The following CBFA2T2 variants were observed in gnomAD, a reference collection of about 807,000 sequenced individuals.
The protein encoded by CBFA2T2 is protein CBFA2T2.
Under a neutral mutation model 62.2 loss-of-function variants are expected in CBFA2T2, and 11 were observed. That is an observed-to-expected ratio of 0.18 (90% CI 0.11 to 0.29). The LOEUF is 0.29. Ranked by LOEUF, CBFA2T2 falls within the 10% of genes least tolerant of loss-of-function variation. CBFA2T2 has a pLI of 1.00. For missense variants in CBFA2T2, 592 were observed against 774.1 expected (o/e 0.76, Z 2.79); for synonymous variants, 295 against 287.5 (o/e 1.03, Z -0.27).
At chr20:33,531,934 A>C (rs926859788) in intron 1 of CBFA2T2, among the ~76,000 whole-genome samples, 2 of 152,222 alleles carry the variant, frequency 1.3e-5, no homozygotes, top group African/African-American at 4.8e-5. Flanking sequence ...GGGTTTAATC[A>C]TATCTTCACC....
intron 1 of CBFA2T2, among the ~76,000 whole-genome samples, chr20:33,497,618 G>A (rs2011217823): frequency 7.0e-6 from 1 of 143,682 alleles, no homozygotes; most frequent in South Asian, 2.2e-4. Context: ...AGTGTGATCT[G>A]GGCTCACTAC....
chr20:33,605,110 C>G (rs563725993), intron 1 of CBFA2T2, among the ~76,000 whole-genome samples: 1 of 152,292 alleles, frequency 6.6e-6, no homozygotes, highest in African/African-American at 2.4e-5. Context: ...TATTATATCC[C>G]TTTCCCAAGT....
chr20:33,512,136 C>T (rs2011521911), intron 1 of CBFA2T2, among the ~76,000 whole-genome samples: 1 of 152,108 alleles, frequency 6.6e-6, no homozygotes. Flanking sequence ...GAGATCTACG[C>T]CACTGCACTC....
intron 1 of CBFA2T2, among the ~76,000 whole-genome samples, chr20:33,566,835 CATGTTTTGAAGTAT>C (rs1436420048): frequency 6.6e-6 from 1 of 152,124 alleles, no homozygotes; most frequent in African/African-American, 2.4e-5. Context: ...TCATTTCTAC[CATGTTTTGAAGTAT>C]GTCTAGCTGT....
intron 1 of CBFA2T2, among the ~76,000 whole-genome samples, chr20:33,490,706 C>A (rs1600889198): frequency 1.3e-5 from 2 of 152,210 alleles, no homozygotes; most frequent in African/African-American, 4.8e-5. Context: ...CTCGGAGGGC[C>A]TGTTTGAGCG....
At chr20:33,631,525 G>A (rs1036024956) in intron 8 of CBFA2T2, among the ~76,000 whole-genome samples, 4 of 151,824 alleles carry the variant, frequency 2.6e-5, no homozygotes, top group Non-Finnish European at 4.4e-5. Flanking sequence ...AGCTGCAGTC[G>A]TGAGCCAGTG....
chr20:33,629,692 C>G, intron 7 of CBFA2T2, 27 bp from the exon 8 acceptor site: 1 of 1,596,370 alleles, frequency 6.3e-7, no homozygotes, highest in Non-Finnish European at 8.5e-7. Context: ...CTTATCTCAT[C>G]TCTGCCTGGC....
intron 1 of CBFA2T2, among the ~76,000 whole-genome samples, chr20:33,512,958 T>G (rs2011535997): frequency 6.6e-6 from 1 of 152,110 alleles, no homozygotes. Flanking sequence ...TTCACTGCAT[T>G]AGCCAGGATG....
At chr20:33,630,626 T>C (rs531123630) in intron 8 of CBFA2T2, among the ~76,000 whole-genome samples, 125 of 152,292 alleles carry the variant, frequency 8.2e-4, no homozygotes, top group Admixed American at 1.6e-3. Flanking sequence ...ACCTCAGTTA[T>C]TCCCCTCAAA....
At position 33,624,929 on chromosome 20, in the gene CBFA2T2, C is replaced by G. The variant is rs755250770; in HGVS notation, c.858C>G (p.Thr286=). ...CCCCTCCACCTCTTCAGCATTACAC[C>G]TTAGAGGATATTGCAACTTCTCACC... ...HPTPPPLQHY[T]LEDIATSHLY... The change falls in exon 6 of 11, where the codon ACC becomes ACG. Residue 286 remains threonine, a synonymous_variant. Transcript: ENST00000342704. 3 of 1,614,038 alleles carry G rather than the reference C, an allele frequency of 1.9e-6. No homozygotes were observed. Among genetic ancestry groups the G allele is most frequent in the Middle Eastern group, 3.3e-4 (2 of 6,062 alleles).
At chr20:33,623,771 A>G in intron 5 of CBFA2T2, 1 of 712,030 alleles carries the variant, frequency 1.4e-6, no homozygotes, top group Non-Finnish European at 2.6e-6. Flanking sequence ...TCCAATACCT[A>G]GCTGCATAAT....
chr20:33,556,326 C>A (rs559838789), intron 1 of CBFA2T2, among the ~76,000 whole-genome samples: 3 of 152,016 alleles, frequency 2.0e-5, no homozygotes, highest in Admixed American at 1.3e-4. Flanking sequence ...ATTAATGTTA[C>A]GAATTTCAGG....
intron 1 of CBFA2T2, among the ~76,000 whole-genome samples, chr20:33,550,874 C>T (rs1050788966): frequency 4.6e-5 from 7 of 151,928 alleles, no homozygotes; most frequent in Admixed American, 3.9e-4. Flanking sequence ...CGTCCCCTCT[C>T]GGCTTCCCAA....
chr20:33,496,644 G>A (rs2011201899), intron 1 of CBFA2T2, among the ~76,000 whole-genome samples: 1 of 152,090 alleles, frequency 6.6e-6, no homozygotes, highest in South Asian at 2.1e-4. Context: ...TAGTAGATAG[G>A]ACCTGTGCAT....
chr20:33,528,650 T>C (rs1031463924), intron 1 of CBFA2T2, among the ~76,000 whole-genome samples: 1 of 151,982 alleles, frequency 6.6e-6, no homozygotes, highest in Admixed American at 6.6e-5. Context: ...TTGCCAGTTA[T>C]ATATACATGT....
At chr20:33,569,617 A>G (rs1452811469) in intron 1 of CBFA2T2, among the ~76,000 whole-genome samples, 1 of 152,206 alleles carries the variant, frequency 6.6e-6, no homozygotes, top group East Asian at 1.9e-4. Flanking sequence ...AGTGAAGGGT[A>G]TTCTGGTAGC....
At chr20:33,514,374 C>T (rs533746375) in intron 1 of CBFA2T2, among the ~76,000 whole-genome samples, 2 of 151,880 alleles carry the variant, frequency 1.3e-5, no homozygotes, top group South Asian at 4.2e-4. Context: ...GCTACCACAC[C>T]GAGCTAATTT....
chr20:33,548,902 G>A (rs1449090707), intron 1 of CBFA2T2, among the ~76,000 whole-genome samples: 3 of 152,142 alleles, frequency 2.0e-5, no homozygotes, highest in Non-Finnish European at 2.9e-5. Flanking sequence ...GTTGCAGTGA[G>A]CTATGATTCC....
chr20:33,636,669 G>C lies in CBFA2T2; in HGVS notation c.1258G>C (p.Gly420Arg), dbSNP rs1275418937. The change falls in exon 9 of 11, where the codon GGT becomes CGT. Residue 420 changes from glycine (G) to arginine (R), a missense_variant. Physicochemically the swap from Gly to Arg is moderately radical, Grantham distance 125. This residue lies in a region of CBFA2T2 where 449 missense variants were observed against 551.2 expected (regional missense o/e 0.81). Transcript: ENST00000342704. ...TCAGAGAGAGTTCAACAGCAGGCCA[G>C]GTACAGGATACGTACCTGTGGAGTT... The part of the protein sequence containing the change: ...DSQREFNSRP[G>R]TGYVPVEFWK... The C allele has an allele frequency of 1.9e-6, 3 of 1,613,788 alleles. No individual in the cohort carries two copies. In the Admixed American group the frequency reaches 5.0e-5, roughly 27 times the overall value.
Sources: gnomAD v4.1 joint callset for allele counts (sites outside exome capture counted in the v4.1 genomes callset) on GRCh38, gnomAD v4.1.1 for gene constraint, gnomAD v4.1.1 regional missense constraint, MANE v1.5 for transcripts, NCBI Gene and HGNC (gene_info 2026-07-23, HGNC 2026-07-21) for gene names.